Variants in PIK3C2G observed in about 807,000 individuals in gnomAD.
The protein encoded by PIK3C2G is phosphatidylinositol 3-kinase C2 domain-containing subunit gamma.
A neutral mutation model predicts 181.1 loss-of-function variants in PIK3C2G; 168 were observed. That is an observed-to-expected ratio of 0.93 (90% CI 0.82 to 1.05). PIK3C2G has a LOEUF of 1.05. PIK3C2G is among the 50% of genes least tolerant of loss of function. The probability of loss-of-function intolerance (pLI) is 0.00; values close to 1 mark genes in which losing one functional copy is unlikely to be tolerated. For missense variants in PIK3C2G, 1,869 were observed against 1,732.8 expected (o/e 1.08, Z -1.40); for synonymous variants, 573 against 592.2 (o/e 0.97, Z 0.47).
intron 18 of PIK3C2G, among the ~76,000 whole-genome samples, chr12:18,453,898 T>C (rs1947495142): frequency 2.0e-5 from 3 of 152,192 alleles, no homozygotes; most frequent in South Asian, 4.1e-4. Context: ...CAAAATTTAC[T>C]CATTTGTTAG....
chr12:18,385,459 T>C (rs1473128211), intron 14 of PIK3C2G, among the ~76,000 whole-genome samples: 1 of 152,186 alleles, frequency 6.6e-6, no homozygotes, highest in Non-Finnish European at 1.5e-5. Context: ...TTCAACTTCC[T>C]GCCTCTCCCC....
chr12:18,560,047 T>G (rs1354421312), intron 26 of PIK3C2G, among the ~76,000 whole-genome samples: 2 of 151,014 alleles, frequency 1.3e-5, no homozygotes, highest in Non-Finnish European at 3.0e-5. Flanking sequence ...GTTTCACTGG[T>G]CTCAAACTCC....
intron 24 of PIK3C2G, among the ~76,000 whole-genome samples, chr12:18,527,935 C>T (rs7315933): frequency 0.031 from 4,660 of 152,128 alleles, 253 homozygotes; most frequent in African/African-American, 0.11. Flanking sequence ...TTAGGACACA[C>T]ATTACATTTA....
At chr12:18,478,107 T>C (rs1939183823) in intron 18 of PIK3C2G, among the ~76,000 whole-genome samples, 6 of 152,146 alleles carry the variant, frequency 3.9e-5, no homozygotes, top group Admixed American at 2.6e-4. Flanking sequence ...TATATGGGTA[T>C]TTAGAAGAAA....
intron 1 of PIK3C2G, among the ~76,000 whole-genome samples, chr12:18,253,436 T>C (rs1437775689): frequency 1.3e-5 from 2 of 152,168 alleles, no homozygotes; most frequent in East Asian, 3.9e-4. Context: ...AAAACACCGA[T>C]TCCATATTAT....
At chr12:18,382,881 A>T (rs113194718) in intron 14 of PIK3C2G, among the ~76,000 whole-genome samples, 1,581 of 152,294 alleles carry the variant, frequency 0.01, 12 homozygotes, top group Middle Eastern at 0.017. Flanking sequence ...ATGCGCAGAA[A>T]AATATTTAAC....
At chr12:18,414,139 A>G (rs577689504) in intron 16 of PIK3C2G, among the ~76,000 whole-genome samples, 2 of 152,268 alleles carry the variant, frequency 1.3e-5, no homozygotes, top group Admixed American at 1.3e-4. Flanking sequence ...ACTAAAAAGT[A>G]GAATGCTTGC....
the PIK3C2G span, chr12:18,693,960 T>C: frequency 6.6e-7 from 1 of 1,514,576 alleles, no homozygotes; most frequent in Non-Finnish European, 9.2e-7. Flanking sequence ...GGTGCTGACA[T>C]CAAGGCAGTC....
At chr12:18,432,433 A>G (rs1281227575) in intron 18 of PIK3C2G, among the ~76,000 whole-genome samples, 1 of 152,182 alleles carries the variant, frequency 6.6e-6, no homozygotes, top group African/African-American at 2.4e-5. Flanking sequence ...TTTTCATTAT[A>G]ATAACCACAT....
At chr12:18,696,266 A>G in the PIK3C2G span, 1 of 1,463,616 alleles carries the variant, frequency 6.8e-7, no homozygotes, top group Non-Finnish European at 9.5e-7. Flanking sequence ...AAACTCATGG[A>G]CTGAAAAAGA....
intron 11 of PIK3C2G, among the ~76,000 whole-genome samples, chr12:18,361,748 CT>C (rs1375705168): frequency 3.3e-5 from 5 of 152,132 alleles, no homozygotes; most frequent in Non-Finnish European, 5.9e-5. Flanking sequence ...GTGATCAGAT[CT>C]TTTTGTTTTC....
At chr12:18,322,353 G>C (rs1280337695) in intron 7 of PIK3C2G, among the ~76,000 whole-genome samples, 3 of 150,168 alleles carry the variant, frequency 2.0e-5, no homozygotes, top group Admixed American at 2.0e-4. Context: ...CTGTACTCCA[G>C]CTTGGGTAAC....
intron 31 of PIK3C2G, among the ~76,000 whole-genome samples, chr12:18,629,582 A>T (rs1001252672): frequency 6.6e-6 from 1 of 152,222 alleles, no homozygotes; most frequent in African/African-American, 2.4e-5. Context: ...GTCTGGCTCC[A>T]GTTGGGAGTA....
At chr12:18,291,044 T>G in intron 4 of PIK3C2G, 32 bp downstream of exon 4, 1 of 1,438,314 alleles carries the variant, frequency 7.0e-7, no homozygotes, top group South Asian at 1.2e-5. Context: ...TCTACAAATC[T>G]ATACAAAGCT....
At chr12:18,690,391 G>A in the PIK3C2G span, among the ~76,000 whole-genome samples, 2 of 151,832 alleles carry the variant, frequency 1.3e-5, no homozygotes, top group Admixed American at 1.3e-4. Flanking sequence ...GCCCAGCTAA[G>A]TTTTTGTATG....
At chr12:18,312,573 G>A (rs373706639) in intron 5 of PIK3C2G, among the ~76,000 whole-genome samples, 23 of 152,192 alleles carry the variant, frequency 1.5e-4, no homozygotes, top group African/African-American at 5.5e-4. Flanking sequence ...CCTTTGGGAA[G>A]GAGGAAGGAG....
intron 25 of PIK3C2G, among the ~76,000 whole-genome samples, chr12:18,543,869 G>A (rs889596016): frequency 1.3e-5 from 2 of 151,792 alleles, no homozygotes; most frequent in Admixed American, 6.6e-5. Flanking sequence ...ACAAAGTGCC[G>A]TGCTGTGCAA....
the PIK3C2G span, among the ~76,000 whole-genome samples, chr12:18,675,902 C>T: frequency 2.0e-5 from 3 of 151,930 alleles, no homozygotes. Context: ...TGAGATTTTA[C>T]TTTTTGGGTA....
At chr12:18,574,585 G>A (rs1368603599) in intron 29 of PIK3C2G, among the ~76,000 whole-genome samples, 1 of 152,062 alleles carries the variant, frequency 6.6e-6, no homozygotes, top group Non-Finnish European at 1.5e-5. Context: ...GGCATTAACA[G>A]GTCATTCCTA....
Sources: allele counts gnomAD v4.1 joint callset (sites outside exome capture counted in the v4.1 genomes callset), GRCh38; gene constraint gnomAD v4.1.1; transcripts MANE v1.5; gene names NCBI Gene and HGNC (gene_info 2026-07-23, HGNC 2026-07-21).